The following HACD4 variants were observed in gnomAD, a reference collection of about 807,000 sequenced individuals.
The protein encoded by HACD4 is 3-hydroxyacyl-CoA dehydratase 4.
Under a neutral mutation model 33.3 loss-of-function variants are expected in HACD4, and 35 were observed. The observed-to-expected ratio is 1.05, with a 90% CI of 0.80 to 1.39. The LOEUF (loss-of-function observed/expected upper bound fraction) is 1.39, where lower values mean the gene tolerates loss of function less well. Ranked by LOEUF, HACD4 falls within the 40% of genes most tolerant of loss-of-function variation. HACD4 has a pLI of 0.00. For synonymous variants in HACD4, 118 were observed against 98.0 expected (o/e 1.20, Z -1.21); for missense variants, 323 against 276.5 (o/e 1.17, Z -1.19).
In HACD4 at chr9:21,011,593, A is replaced by G. The variant is rs752790427; in HGVS notation, c.486T>C (p.Ala162=). The change falls in exon 5 of 7, where the codon GCT becomes GCC. Residue 162 remains alanine (A), a synonymous_variant. Coordinates refer to ENST00000495827, the MANE Select transcript of HACD4 (RefSeq NM_001010915.5). The stretch of plus-strand genomic sequence containing the variant: ...AGCAAGTCACTCTTTTCTTACCTTC[A>G]GCAAGAACACACAAAGGATAAATTG... ...WMPIYPLCVL[A]EAFAIYQSLP... 7 of 1,584,822 alleles carry G rather than the reference A, an allele frequency of 4.4e-6. No homozygotes were observed. The African/African-American group carries it at 9.4e-5, about 21-fold the overall frequency.
intron 3 of HACD4, among the ~76,000 whole-genome samples, chr9:21,016,341 A>G (rs976453217): frequency 2.0e-5 from 3 of 152,224 alleles, no homozygotes; most frequent in Admixed American, 1.3e-4. Context: ...TCAGATGCCA[A>G]AATGAAAACA....
At position 21,011,703 on chromosome 9, in the gene HACD4, G is replaced by A. The variant is rs1055270999; in HGVS notation, c.384-8C>T. The A allele has an allele frequency of 2.7e-6, 4 of 1,466,050 alleles. No homozygotes were observed. The highest frequency in any genetic ancestry group is 1.8e-5 in the Admixed American group (1 of 54,866). 90.8% of individuals were successfully genotyped at this position (1,466,050 alleles called of 1,614,324 possible). On this transcript the variant is annotated splice_polypyrimidine_tract_variant and splice_region_variant and intron_variant, in intron 4 of 6. Coordinates refer to ENST00000495827, the MANE Select transcript of HACD4 (RefSeq NM_001010915.5). The stretch of plus-strand genomic sequence containing the variant: ...AACATGCTATAAGTGTACCTGAAAG[G>A]AGATGAGAAGCTCATAAACATCATT...
At position 21,002,288 on chromosome 9, in the gene HACD4, AC is replaced by A. The variant is rs1366949059; in HGVS notation, c.*4748del. ...TAAAAAAGTAAACTACACACAAAAG[AC>A]GTAATGCAGGAAATGAGGGACAAAA... On this transcript the variant is annotated 3_prime_UTR_variant, in exon 7 of 7. Transcript: ENST00000495827. 6.6e-6 allele frequency: 1 copy of A among 152,144 alleles called. No individual in the cohort carries two copies. The highest frequency in any genetic ancestry group is 1.9e-4 in the East Asian group (1 of 5,202). The allele number at this position is 152,144 out of a possible 1,614,324, so 9.4% of individuals were successfully genotyped here. A position where few individuals can be genotyped will look rare whatever the true frequency, so the allele number is the denominator to read the frequency against.
At chr9:21,023,941 C>A (rs1360928941) in intron 3 of HACD4, among the ~76,000 whole-genome samples, 1 of 152,158 alleles carries the variant, frequency 6.6e-6, no homozygotes, top group Admixed American at 6.5e-5. Flanking sequence ...GGTTTTTTAG[C>A]TTACTTAAAA....
intron 3 of HACD4, among the ~76,000 whole-genome samples, chr9:21,019,704 T>C (rs1314878379): frequency 6.6e-6 from 1 of 152,076 alleles, no homozygotes. Context: ...TCTAAAATCT[T>C]ACCTACAGAG....
Position 20,999,641 on chromosome 9 carries a change from A to C in HACD4, c.*7396T>G, listed in dbSNP as rs1842137017. ...AAAACTTATGTGTCTTCTAAATATA[A>C]GGAACGCTTTGAGATACAATTGAAA... is the stretch of plus-strand genomic sequence containing the variant. On this transcript the variant is annotated 3_prime_UTR_variant, in exon 7 of 7. Coordinates refer to ENST00000495827, the MANE Select transcript of HACD4 (RefSeq NM_001010915.5). 1 of 152,208 alleles carries C rather than the reference A, an allele frequency of 6.6e-6. No individual in the cohort carries two copies. Among genetic ancestry groups the C allele is most frequent in the Non-Finnish European group, 1.5e-5 (1 of 68,018 alleles). 9.4% of individuals were successfully genotyped at this position (152,208 alleles called of 1,614,324 possible).
chr9:21,018,720 T>C (rs1817823160), intron 3 of HACD4, among the ~76,000 whole-genome samples: 1 of 152,128 alleles, frequency 6.6e-6, no homozygotes, highest in Non-Finnish European at 1.5e-5. Flanking sequence ...GAGTAAAAGG[T>C]ATAGTAAATA....
intron 3 of HACD4, among the ~76,000 whole-genome samples, chr9:21,021,250 T>C (rs950932308): frequency 7.9e-5 from 12 of 152,178 alleles, no homozygotes; most frequent in African/African-American, 2.9e-4. Flanking sequence ...GAGCTATTTA[T>C]GACAAACCGA....
At chr9:21,021,811 A>C (rs910018411) in intron 3 of HACD4, among the ~76,000 whole-genome samples, 2 of 152,196 alleles carry the variant, frequency 1.3e-5, no homozygotes, top group African/African-American at 2.4e-5. Context: ...TGCCCAAGGT[A>C]ATTTATAGAT....
At chr9:21,015,076 C>T (rs1336037494) in intron 4 of HACD4, 2 of 152,150 alleles carry the variant, frequency 1.3e-5, no homozygotes, top group African/African-American at 4.8e-5. Flanking sequence ...AATTTATATA[C>T]ATAATTAAAT....
chr9:21,013,811 A>G (rs1395897973), intron 4 of HACD4, among the ~76,000 whole-genome samples: 1 of 152,242 alleles, frequency 6.6e-6, no homozygotes, highest in East Asian at 1.9e-4. Flanking sequence ...GCAAATATAT[A>G]AAAATAATTC....
Position 21,015,806 on chromosome 9 carries a change from C to T in HACD4, c.383+92G>A, listed in dbSNP as rs1288409343. The stretch of plus-strand genomic sequence containing the variant: ...TTGAAAAGGGGTTATGTTTTCCTCT[C>T]TCGTACCAAGTAACCTCTGGTTACT... On this transcript the variant is annotated intron_variant, in intron 4 of 6. Coordinates refer to ENST00000495827, the MANE Select transcript of HACD4 (RefSeq NM_001010915.5). 7.0e-6 allele frequency: 5 copies of T among 710,858 alleles called. No homozygotes were observed. The Admixed American group carries it at 9.3e-5, about 13-fold the overall frequency. 44.0% of individuals were successfully genotyped at this position (710,858 alleles called of 1,614,324 possible).
In HACD4 at chr9:21,031,617, G is replaced by A; in HGVS notation, c.-27C>T. Reference sequence around the variant, plus strand: ...GGCCGCCGCCGCCAGGGCTTCCAGCGCGGTCCAGGAAGGAGTACCGGGGAG... The same window carrying A: ...GGCCGCCGCCGCCAGGGCTTCCAGCACGGTCCAGGAAGGAGTACCGGGGAG... On this transcript the variant is annotated 5_prime_UTR_variant, in exon 1 of 7. Coordinates refer to ENST00000495827, the MANE Select transcript of HACD4 (RefSeq NM_001010915.5). 1 of 1,411,790 alleles carries A rather than the reference G, an allele frequency of 7.1e-7. No homozygotes were observed. The highest frequency in any genetic ancestry group is 9.2e-7 in the Non-Finnish European group (1 of 1,089,328). The allele number at this position is 1,411,790 out of a possible 1,614,324, so 87.5% of individuals were successfully genotyped here.
chr9:21,013,871 G>C (rs531133818), intron 4 of HACD4, among the ~76,000 whole-genome samples: 1 of 152,198 alleles, frequency 6.6e-6, no homozygotes, highest in South Asian at 2.1e-4. Flanking sequence ...TCTGCCAATA[G>C]AGATAGTTTT....
intron 1 of HACD4, among the ~76,000 whole-genome samples, chr9:21,030,840 T>C (rs1303202728): frequency 6.6e-6 from 1 of 152,152 alleles, no homozygotes; most frequent in Non-Finnish European, 1.5e-5. Flanking sequence ...GATTGACAGA[T>C]AGATGGTTTG....
chr9:21,027,704 T>TTG (rs1437368929), intron 2 of HACD4, among the ~76,000 whole-genome samples: 1 of 152,254 alleles, frequency 6.6e-6, no homozygotes, highest in Non-Finnish European at 1.5e-5. Flanking sequence ...GTTGAGCTAC[T>TTG]TACATAATTT....
chr9:21,011,212 G>A (rs372338453), intron 5 of HACD4, among the ~76,000 whole-genome samples: 14 of 152,348 alleles, frequency 9.2e-5, no homozygotes, highest in South Asian at 4.1e-4. Flanking sequence ...TAAATGGTAA[G>A]TGGGAAAGAC....
At chr9:21,019,645 A>G (rs181927517) in intron 3 of HACD4, among the ~76,000 whole-genome samples, 1 of 152,234 alleles carries the variant, frequency 6.6e-6, no homozygotes, top group East Asian at 1.9e-4. Context: ...CACTAGAAAT[A>G]TAGCTTTATA....
At chr9:21,017,685 T>A (rs1817798463) in intron 3 of HACD4, 2 of 152,314 alleles carry the variant, frequency 1.3e-5, no homozygotes, top group South Asian at 2.1e-4. Context: ...TCTAATTACA[T>A]GGCTGGCTAC....
Sources: gnomAD v4.1 joint callset for allele counts (sites outside exome capture counted in the v4.1 genomes callset) on GRCh38, gnomAD v4.1.1 for gene constraint, MANE v1.5 for transcripts, NCBI Gene and HGNC (gene_info 2026-07-23, HGNC 2026-07-21) for gene names.